Variants in GALNT10 observed in about 807,000 individuals in gnomAD.
GALNT10 encodes polypeptide N-acetylgalactosaminyltransferase 10.
GALNT10 carries 41 observed loss-of-function variants against 75.0 expected under a neutral mutation model. The observed-to-expected ratio is 0.55, with a 90% CI of 0.43 to 0.71. The LOEUF (loss-of-function observed/expected upper bound fraction) is 0.71. Ranked by LOEUF, GALNT10 falls within the 30% of genes least tolerant of loss-of-function variation. The pLI, the probability that GALNT10 is intolerant of heterozygous loss-of-function variation, is 0.00. For missense variants in GALNT10, 727 were observed against 818.5 expected, an observed-to-expected ratio of 0.89 and a Z score of 1.36; for synonymous variants, 302 against 313.0, an observed-to-expected ratio of 0.96 and a Z score of 0.37.
At chr5:154,333,680 T>C (rs1754900341) in intron 4 of GALNT10, among the ~76,000 whole-genome samples, 1 of 152,150 alleles carries the variant, frequency 6.6e-6, no homozygotes, top group African/African-American at 2.4e-5. Flanking sequence ...TGTGGTGCCA[T>C]ACCCAATCCT....
At chr5:154,364,169 A>G (rs921023543) in intron 4 of GALNT10, among the ~76,000 whole-genome samples, 1 of 152,228 alleles carries the variant, frequency 6.6e-6, no homozygotes, top group African/African-American at 2.4e-5. Flanking sequence ...CAGATTTGCA[A>G]GAGTAAAAGA....
chr5:154,386,624 G>A (rs1015241163), intron 7 of GALNT10, 194 bp downstream of exon 7: 6 of 621,574 alleles, frequency 9.7e-6, no homozygotes, highest in African/African-American at 5.6e-5. Flanking sequence ...TGGGAGGGAA[G>A]GGGAGTACTC....
chr5:154,399,053 A>G (rs1198935070), intron 7 of GALNT10, among the ~76,000 whole-genome samples: 1 of 152,174 alleles, frequency 6.6e-6, no homozygotes, highest in African/African-American at 2.4e-5. Context: ...CTCAACAGCC[A>G]TCATCATCCC....
At chr5:154,333,683 C>T (rs1227599378) in intron 4 of GALNT10, among the ~76,000 whole-genome samples, 1 of 152,024 alleles carries the variant, frequency 6.6e-6, no homozygotes, top group African/African-American at 2.4e-5. Context: ...GGTGCCATAC[C>T]CAATCCTAAA....
intron 7 of GALNT10, chr5:154,388,122 C>T (rs984880808): frequency 1.3e-5 from 2 of 152,068 alleles, no homozygotes; most frequent in Non-Finnish European, 2.9e-5. Context: ...GACCCCCTGA[C>T]CTCAGGTGAT....
intron 4 of GALNT10, among the ~76,000 whole-genome samples, chr5:154,355,691 A>G (rs1183071128): frequency 6.7e-6 from 1 of 149,730 alleles, no homozygotes; most frequent in Admixed American, 6.6e-5. Context: ...CCCGATTAGT[A>G]AATTTGTTTG....
chr5:154,377,074 A>G (rs548919368), intron 5 of GALNT10, among the ~76,000 whole-genome samples: 16 of 152,292 alleles, frequency 1.1e-4, no homozygotes, highest in African/African-American at 3.6e-4. Context: ...TTCCTTTTAA[A>G]TAAGAGTTCC....
chr5:154,221,687 G>A (rs1752981034), intron 1 of GALNT10, among the ~76,000 whole-genome samples: 1 of 152,220 alleles, frequency 6.6e-6, no homozygotes, highest in Non-Finnish European at 1.5e-5. Context: ...GGACTGCCAG[G>A]ACTTGGGTAC....
At chr5:154,334,008 G>A (rs1303817246) in intron 4 of GALNT10, among the ~76,000 whole-genome samples, 2 of 152,194 alleles carry the variant, frequency 1.3e-5, no homozygotes, top group East Asian at 1.9e-4. Flanking sequence ...TCTAAAGTAC[G>A]GCAAATATGG....
At chr5:154,377,272 G>A (rs1755662971) in intron 5 of GALNT10, among the ~76,000 whole-genome samples, 1 of 152,196 alleles carries the variant, frequency 6.6e-6, no homozygotes, top group African/African-American at 2.4e-5. Context: ...ACATGGAAGA[G>A]GAACTGTCCT....
At chr5:154,337,449 T>C in intron 4 of GALNT10, 1 of 682,498 alleles carries the variant, frequency 1.5e-6, no homozygotes. Flanking sequence ...CTGCTAAGCT[T>C]TGTTTTCTTG....
rs1055479771 is a variant in GALNT10, at chr5:154,416,746, T to C, written c.1654-68T>C. On this transcript the variant is annotated intron_variant, in intron 11 of 11. Transcript: ENST00000297107. This position sits in a 1 kb window ranked among gnomAD's most constrained non-coding sequence, Gnocchi z 4.5. ...CTTCCTCACTTTCTCATTGCTGGTA[T>C]TGTTGCTGTGGTTTGACTGGCCACA... 31 of 1,087,818 alleles carry C rather than the reference T, an allele frequency of 2.8e-5. No individual in the cohort carries two copies. In the Admixed American group the frequency reaches 3.0e-4, roughly 10 times the overall value. The allele number at this position is 1,087,818 out of a possible 1,614,324, so 67.4% of individuals were successfully genotyped here. A position where few individuals can be genotyped will look rare whatever the true frequency, so the allele number is the denominator to read the frequency against.
rs1774850337 is a variant in GALNT10 at position 154,190,994 on chromosome 5, C to T, written c.128C>T (p.Ser43Leu). 4 of 1,487,684 alleles carry T rather than the reference C, an allele frequency of 2.7e-6. No homozygotes were observed. 92.2% of individuals were successfully genotyped at this position (1,487,684 alleles called of 1,614,324 possible). A position where few individuals can be genotyped will look rare whatever the true frequency, so the allele number is the denominator to read the frequency against. ...ERQPDGTPGG[S>L]GAAVAPAAGQ... is the part of the protein sequence containing the mutation. ...CAGCCCGACGGCACCCCTGGGGGAT[C>T]GGGGGCGGCGGTGGCGCCGGCGGCG... Residue 43 changes from serine (S) to leucine (L), a missense_variant, in exon 1 of 12, where the codon TCG (serine) becomes TTG (leucine). Transcript: ENST00000297107.
At chr5:154,243,169 C>T (rs1253739724) in intron 1 of GALNT10, among the ~76,000 whole-genome samples, 1 of 152,116 alleles carries the variant, frequency 6.6e-6, no homozygotes, top group Admixed American at 6.5e-5. Context: ...CTCAACTTAT[C>T]TTATCTCAAA....
intron 1 of GALNT10, among the ~76,000 whole-genome samples, chr5:154,265,019 A>AG (rs1160802219): frequency 3.9e-5 from 6 of 152,224 alleles, no homozygotes; most frequent in African/African-American, 1.4e-4. Flanking sequence ...GGCAGTAGTT[A>AG]GGCTGACTTT....
rs564614767 is a variant in GALNT10 at position 154,305,136 on chromosome 5, A to G, written c.401+7057A>G. Among the ~76,000 whole-genome samples the G allele has an allele frequency of 5.3e-5, 8 of 152,200 alleles. No individual in the cohort carries two copies. In the East Asian group the frequency reaches 1.5e-3, roughly 29 times the overall value. On this transcript the variant is annotated intron_variant, in intron 3 of 11. Coordinates refer to ENST00000297107, the MANE Select transcript of GALNT10 (RefSeq NM_198321.4). The stretch of plus-strand genomic sequence containing the variant: ...GGCAAGACCCCATTTCTAAAATTAA[A>G]AAAATATATATTAGCCAGGCATAGT...
chr5:154,297,889 A>C, intron 2 of GALNT10, 52 bp from the exon 3 acceptor site: 2 of 1,542,888 alleles, frequency 1.3e-6, no homozygotes, highest in Non-Finnish European at 1.8e-6. Context: ...CCCACTCCAT[A>C]TACAGTACCC....
chr5:154,218,131 G>C, intron 1 of GALNT10: 1 of 985,268 alleles, frequency 1.0e-6, no homozygotes, highest in Non-Finnish European at 1.2e-6. Context: ...CTCTGCCTTC[G>C]TGGAGTGGGC....
intron 1 of GALNT10, among the ~76,000 whole-genome samples, chr5:154,271,615 G>A (rs1427278490): frequency 6.6e-6 from 1 of 152,200 alleles, no homozygotes; most frequent in Non-Finnish European, 1.5e-5. Context: ...TATCTGGTGA[G>A]GAAGCAGAAG....
Sources: allele counts gnomAD v4.1 joint callset (sites outside exome capture counted in the v4.1 genomes callset), GRCh38; gene constraint gnomAD v4.1.1; non-coding constraint Gnocchi (gnomAD v3.1); transcripts MANE v1.5; gene names NCBI Gene and HGNC (gene_info 2026-07-23, HGNC 2026-07-21).